MACROD1: variants seen among roughly 807,000 people sequenced by gnomAD.
The protein encoded by MACROD1 is mono-ADP ribosylhydrolase 1.
Under a neutral mutation model 41.4 loss-of-function variants are expected in MACROD1, and 31 were observed. The ratio of observed to expected loss-of-function variants is 0.75; its 90% CI spans 0.56 to 1.01. The LOEUF (loss-of-function observed/expected upper bound fraction) is 1.01. Among genes scored for constraint, MACROD1 ranks in the 50% least tolerant of loss-of-function variants. The pLI is 0.00. For missense variants in MACROD1, 473 were observed against 460.0 expected (o/e 1.03, Z -0.26); for synonymous variants, 252 against 203.4 (o/e 1.24, Z -2.03).
At chr11:64,094,430 T>TAA (rs71468652) in intron 3 of MACROD1, among the ~76,000 whole-genome samples, 42,818 of 142,330 alleles carry the variant, frequency 0.3, 7,823 homozygotes, top group Middle Eastern at 0.43. Context: ...GACTCCAACT[T>TAA]AAAAAAAAAA....
At chr11:64,123,313 T>C (rs1380806467) in intron 3 of MACROD1, among the ~76,000 whole-genome samples, 1 of 152,176 alleles carries the variant, frequency 6.6e-6, no homozygotes, top group Non-Finnish European at 1.5e-5. Context: ...CAGCCGTGCA[T>C]TGGCCTTCCG....
At chr11:64,078,525 C>T (rs532192006) in intron 3 of MACROD1, among the ~76,000 whole-genome samples, 2 of 152,350 alleles carry the variant, frequency 1.3e-5, no homozygotes, top group Admixed American at 6.5e-5. Flanking sequence ...CGGAGGGATA[C>T]CCGGGAGGGG....
intron 3 of MACROD1, among the ~76,000 whole-genome samples, chr11:64,047,327 A>G (rs932555038): frequency 6.6e-6 from 1 of 152,090 alleles, no homozygotes; most frequent in Admixed American, 6.6e-5. Flanking sequence ...GCGTGAGCCC[A>G]TTTTAAGAAG....
At chr11:64,009,162 ACGG>A (rs1390799121) in intron 4 of MACROD1, 1 of 152,134 alleles carries the variant, frequency 6.6e-6, no homozygotes, top group Non-Finnish European at 1.5e-5. Flanking sequence ...CAGGAGAGAC[ACGG>A]GCGTCAGGGC....
At chr11:64,149,355 C>T (rs1277857744) in intron 3 of MACROD1, among the ~76,000 whole-genome samples, 1 of 152,160 alleles carries the variant, frequency 6.6e-6, no homozygotes, top group Non-Finnish European at 1.5e-5. Context: ...GGCAAGGACA[C>T]AGAGAAGGGG....
intron 3 of MACROD1, among the ~76,000 whole-genome samples, chr11:64,091,304 C>T (rs1368133728): frequency 1.3e-5 from 2 of 152,044 alleles, no homozygotes; most frequent in Admixed American, 6.5e-5. Flanking sequence ...TCATCACTCA[C>T]GTAGCTGATT....
chr11:64,129,530 G>T (rs1188788207), intron 3 of MACROD1, among the ~76,000 whole-genome samples: 1 of 152,206 alleles, frequency 6.6e-6, no homozygotes, highest in African/African-American at 2.4e-5. Context: ...GCCTCCTGGG[G>T]GGTTTCTCCC....
chr11:64,025,258 G>A (rs1943209718), intron 3 of MACROD1, among the ~76,000 whole-genome samples: 1 of 152,196 alleles, frequency 6.6e-6, no homozygotes, highest in Admixed American at 6.5e-5. Context: ...ATACCCAGCT[G>A]GGGCTATTTT....
At chr11:64,021,933 C>CGGGGGGGGGGGGGGGGGG (rs1157348141) in intron 3 of MACROD1, among the ~76,000 whole-genome samples, 1 of 5,490 alleles carries the variant, frequency 1.8e-4, no homozygotes, top group Non-Finnish European at 5.1e-4. Flanking sequence ...GGCAGGGGGC[C>CGGGGGGGGGGGGGGGGGG]GGGGGGGGGG....
chr11:64,077,578 T>C (rs1033176221), intron 3 of MACROD1, among the ~76,000 whole-genome samples: 1 of 152,060 alleles, frequency 6.6e-6, no homozygotes, highest in Non-Finnish European at 1.5e-5. Flanking sequence ...CCAGTGCACA[T>C]GTGCACACAT....
intron 3 of MACROD1, among the ~76,000 whole-genome samples, chr11:64,057,370 C>T (rs1943806492): frequency 6.6e-6 from 1 of 152,218 alleles, no homozygotes; most frequent in African/African-American, 2.4e-5. Context: ...ACAGTTTCAC[C>T]TACCAAGGCA....
chr11:64,107,265 A>G (rs1944778542), intron 3 of MACROD1, among the ~76,000 whole-genome samples: 1 of 152,250 alleles, frequency 6.6e-6, no homozygotes, highest in Non-Finnish European at 1.5e-5. Flanking sequence ...ACAGACAGAA[A>G]TATCAGGTGT....
At chr11:64,021,401 C>A (rs56149539) in intron 3 of MACROD1, among the ~76,000 whole-genome samples, 1 of 152,190 alleles carries the variant, frequency 6.6e-6, no homozygotes, top group Admixed American at 6.5e-5. Context: ...ATCCTCCAGC[C>A]CAGGGAGGGG....
chr11:64,047,169 C>T (rs1341591485), intron 3 of MACROD1, among the ~76,000 whole-genome samples: 1 of 152,170 alleles, frequency 6.6e-6, no homozygotes, highest in Non-Finnish European at 1.5e-5. Context: ...TGCCTGCCTC[C>T]ACCCACCTGT....
intron 4 of MACROD1, among the ~76,000 whole-genome samples, chr11:64,013,370 T>A (rs1943040527): frequency 6.6e-6 from 1 of 152,166 alleles, no homozygotes; most frequent in African/African-American, 2.4e-5. Flanking sequence ...AGTCAAGGCC[T>A]GTCGGAGTGA....
intron 1 of MACROD1, among the ~76,000 whole-genome samples, chr11:64,165,225 G>A (rs936542816): frequency 3.3e-5 from 5 of 152,220 alleles, no homozygotes; most frequent in African/African-American, 1.2e-4. Context: ...CCCCGGAGCT[G>A]TTCCCTCAGC....
intron 3 of MACROD1, among the ~76,000 whole-genome samples, chr11:64,145,091 G>A (rs1307232015): frequency 6.6e-6 from 1 of 152,220 alleles, no homozygotes; most frequent in East Asian, 1.9e-4. Flanking sequence ...GCCGGTGCTT[G>A]GGAGGAGGGC....
chr11:64,072,653 T>G (rs1944131480), intron 3 of MACROD1, among the ~76,000 whole-genome samples: 1 of 152,056 alleles, frequency 6.6e-6, no homozygotes, highest in Non-Finnish European at 1.5e-5. Flanking sequence ...CCCCATGCCC[T>G]GGTTATAGGG....
intron 4 of MACROD1, among the ~76,000 whole-genome samples, chr11:64,008,060 C>T (rs12285283): frequency 0.055 from 8,400 of 152,264 alleles, 803 homozygotes; most frequent in African/African-American, 0.19. Flanking sequence ...GAGCAGGGCG[C>T]GGAGCGCTTG....
Sources: allele counts gnomAD v4.1 joint callset (sites outside exome capture counted in the v4.1 genomes callset), GRCh38; gene constraint gnomAD v4.1.1; transcripts MANE v1.5; gene names NCBI Gene and HGNC (gene_info 2026-07-23, HGNC 2026-07-21).